Variants in DAB2 observed in about 807,000 individuals in gnomAD.
The protein encoded by DAB2 is DAB adaptor protein 2, also known as disabled homolog 2.
In DAB2, 28 loss-of-function variants were observed where a neutral mutation model predicts 71.6. The observed-to-expected ratio is 0.39, with a 90% CI of 0.29 to 0.54. The LOEUF is 0.54. Among genes scored for constraint, DAB2 ranks in the 20% least tolerant of loss-of-function variants. The pLI, the probability that DAB2 is intolerant of heterozygous loss-of-function variation, is 0.68. For missense variants in DAB2, 867 were observed against 928.8 expected (o/e 0.93, Z 0.86); for synonymous variants, 345 against 339.7 (o/e 1.02, Z -0.17).
At chr5:39,414,102 ACT>A (rs1224918842) in intron 1 of DAB2, among the ~76,000 whole-genome samples, 1 of 151,904 alleles carries the variant, frequency 6.6e-6, no homozygotes, top group Non-Finnish European at 1.5e-5. Flanking sequence ...AAGTCAAAAA[ACT>A]CTTATGCTAG....
chr5:39,405,447 C>T (rs890960130), intron 1 of DAB2, among the ~76,000 whole-genome samples: 1 of 152,234 alleles, frequency 6.6e-6, no homozygotes, highest in Non-Finnish European at 1.5e-5. Context: ...TTCAGGGAAA[C>T]TACAGAGGTT....
intron 9 of DAB2, among the ~76,000 whole-genome samples, chr5:39,386,456 G>A (rs142529990): frequency 6.6e-6 from 1 of 152,168 alleles, no homozygotes; most frequent in Non-Finnish European, 1.5e-5. Context: ...TATGACTATA[G>A]AGTCAATAGA....
At chr5:39,396,687 G>A (rs1317951007) in intron 1 of DAB2, among the ~76,000 whole-genome samples, 1 of 152,188 alleles carries the variant, frequency 6.6e-6, no homozygotes, top group Admixed American at 6.5e-5. Flanking sequence ...TCTAGGGGTG[G>A]TTAATGTAGC....
At chr5:39,382,528 C>G in intron 10 of DAB2, 90 bp downstream of exon 10, 2 of 1,355,816 alleles carry the variant, frequency 1.5e-6, no homozygotes, top group African/African-American at 2.9e-5. Flanking sequence ...CAGGAAACTA[C>G]GAGAGCAGCA....
At chr5:39,423,433 G>A (rs572013566) in intron 1 of DAB2, among the ~76,000 whole-genome samples, 170 of 37,256 alleles carry the variant, frequency 4.6e-3, no homozygotes, top group Non-Finnish European at 7.8e-3. Flanking sequence ...TGGAGTGGGC[G>A]GGGCACCTGG....
At position 39,393,401 on chromosome 5, in the gene DAB2, A is replaced by G. The variant is rs1451652858; in HGVS notation, c.92-8T>C. On this transcript the variant is annotated splice_polypyrimidine_tract_variant and splice_region_variant and intron_variant, in intron 2 of 14. Coordinates refer to ENST00000320816, the MANE Select transcript of DAB2 (RefSeq NM_001343.4). ...CATCTGTCTTTTCAGGGCCTGAGAA[A>G]AGAAAGGAATACAGGATGAAGAATG... 3 of 1,613,640 alleles carry G rather than the reference A, an allele frequency of 1.9e-6. No homozygotes were observed. The Admixed American group carries it at 5.0e-5, about 27-fold the overall frequency.
chr5:39,407,944 T>C (rs1158646681), intron 1 of DAB2, among the ~76,000 whole-genome samples: 1 of 152,240 alleles, frequency 6.6e-6, no homozygotes, highest in Non-Finnish European at 1.5e-5. Flanking sequence ...ACTTCTCCTC[T>C]TCCGAAAACC....
At position 39,383,061 on chromosome 5, in the gene DAB2, A is replaced by G; in HGVS notation, c.898T>C (p.Phe300Leu). 6.2e-7 allele frequency: 1 copy of G among 1,614,124 alleles called. No homozygotes were observed. Among genetic ancestry groups the G allele is most frequent in the Non-Finnish European group, 8.5e-7 (1 of 1,180,006 alleles). The change falls in exon 10 of 15, where the codon TTC (phenylalanine) becomes CTC (leucine). Residue 300 changes from phenylalanine (F) to leucine (L), a missense_variant. By Grantham distance (22) the Phe-to-Leu change is conservative. Around this residue, in one of 2 missense-constraint regions of DAB2, gnomAD observed 740 missense variants for 734.3 expected, o/e 1.01. Coordinates refer to ENST00000320816, the MANE Select transcript of DAB2 (RefSeq NM_001343.4). ...PNPDPFRDDP[F>L]TQPDQSTPSS... ...GGTGTCGATTGGTCTGGCTGTGTGA[A>G]AGGATCGTCACGGAAAGGATCAGGA...
chr5:39,420,618 A>G (rs1371114563), intron 1 of DAB2, among the ~76,000 whole-genome samples: 1 of 152,182 alleles, frequency 6.6e-6, no homozygotes, highest in East Asian at 1.9e-4. Flanking sequence ...CTGCTTCTAT[A>G]TTGAGGTAGT....
intron 9 of DAB2, 32 bp from the exon 10 acceptor site, chr5:39,383,303 T>C: frequency 1.3e-6 from 2 of 1,495,640 alleles, no homozygotes; most frequent in East Asian, 2.3e-5. Flanking sequence ...AAAAAGAAAG[T>C]GTTAGTCCAT....
In DAB2 at chr5:39,382,680, A is replaced by C. The variant is rs1755006031; in HGVS notation, c.1279T>G (p.Ser427Ala). ...ESSVQSSPHD[S>A]IAIIPPPQST... ...TGTGGAGGTGGGATAATGGCTATGG[A>C]GTCATGTGGTGAGGACTGGACAGAG... is the stretch of plus-strand genomic sequence containing the variant. The change falls in exon 10 of 15, where the codon TCC becomes GCC. Residue 427 changes from serine (S) to alanine (A), a missense_variant. Physicochemically the swap from Ser to Ala is moderately conservative, Grantham distance 99. Around this residue, in one of 2 missense-constraint regions of DAB2, gnomAD observed 740 missense variants for 734.3 expected, o/e 1.01. Transcript: ENST00000320816. 4.3e-6 allele frequency: 7 copies of C among 1,614,094 alleles called. No homozygotes were observed. The highest frequency in any genetic ancestry group is 1.7e-5 in the Admixed American group (1 of 60,020).
At chr5:39,392,946 T>C (rs1755270031) in intron 3 of DAB2, among the ~76,000 whole-genome samples, 1 of 152,194 alleles carries the variant, frequency 6.6e-6, no homozygotes, top group Non-Finnish European at 1.5e-5. Context: ...AGACAAGCAA[T>C]GCAAATATTT....
chr5:39,379,481 C>T (rs1241779819), intron 11 of DAB2, among the ~76,000 whole-genome samples: 1 of 143,982 alleles, frequency 6.9e-6, no homozygotes, highest in Non-Finnish European at 1.5e-5. Flanking sequence ...AAAAATATTA[C>T]ATTTGCCAGG....
intron 1 of DAB2, among the ~76,000 whole-genome samples, chr5:39,406,731 C>T (rs1755617505): frequency 6.6e-6 from 1 of 152,164 alleles, no homozygotes; most frequent in Non-Finnish European, 1.5e-5. Context: ...TATTTTGTAT[C>T]ATTAGATGGT....
chr5:39,411,119 A>G lies in DAB2; in HGVS notation c.-102+13685T>C, dbSNP rs535645504. Among the ~76,000 whole-genome samples the G allele has an allele frequency of 3.9e-5, 6 of 152,252 alleles. 1 individual carries two copies. Among genetic ancestry groups the G allele is most frequent in the African/African-American group, 1.4e-4 (6 of 41,564 alleles). ...TACCACTCTGGTTTATAGTTCTAGC[A>G]TGAGGTGAACTAATAGGAATGGTTC... On this transcript the variant is annotated intron_variant, in intron 1 of 14. Coordinates refer to ENST00000320816, the MANE Select transcript of DAB2 (RefSeq NM_001343.4).
At chr5:39,423,041 A>C (rs1756025511) in intron 1 of DAB2, among the ~76,000 whole-genome samples, 1 of 152,318 alleles carries the variant, frequency 6.6e-6, no homozygotes, top group Admixed American at 6.5e-5. Context: ...ATGGGCTCAA[A>C]GTTGGAAGAC....
chr5:39,384,602 C>A (rs79100300), intron 9 of DAB2, among the ~76,000 whole-genome samples: 3,233 of 152,232 alleles, frequency 0.021, 51 homozygotes, highest in Non-Finnish European at 0.035. Flanking sequence ...TCTATCATTT[C>A]TCTGGTGTGT....
chr5:39,414,201 G>A (rs1182781004), intron 1 of DAB2, among the ~76,000 whole-genome samples: 1 of 152,132 alleles, frequency 6.6e-6, no homozygotes, highest in Non-Finnish European at 1.5e-5. Context: ...AGACAGTAAT[G>A]AGTTTGTGAC....
intron 9 of DAB2, among the ~76,000 whole-genome samples, chr5:39,386,406 A>G (rs1755100712): frequency 6.6e-6 from 1 of 152,326 alleles, no homozygotes; most frequent in Middle Eastern, 3.4e-3. Flanking sequence ...ATTTTTAAAC[A>G]TGCTGGCTTT....
Sources: allele counts gnomAD v4.1 joint callset (sites outside exome capture counted in the v4.1 genomes callset), GRCh38; gene constraint gnomAD v4.1.1; regional missense constraint gnomAD v4.1.1; transcripts MANE v1.5; gene names NCBI Gene and HGNC (gene_info 2026-07-23, HGNC 2026-07-21).